Variants in TLR2 observed in about 807,000 individuals in gnomAD.
TLR2 encodes toll-like receptor 2.
A neutral mutation model predicts 9.1 loss-of-function variants in TLR2; 7 were observed. The ratio of observed to expected loss-of-function variants is 0.77; its 90% CI spans 0.44 to 1.44. The LOEUF (loss-of-function observed/expected upper bound fraction) is 1.44, where lower values mean the gene tolerates loss of function less well. TLR2 is among the 40% of genes most tolerant of loss of function. The probability of loss-of-function intolerance (pLI) is 0.01; values close to 1 mark genes in which losing one functional copy is unlikely to be tolerated. For missense variants in TLR2, 812 were observed against 904.6 expected, an observed-to-expected ratio of 0.90 and a Z score of 1.31; for synonymous variants, 317 against 344.6, an observed-to-expected ratio of 0.92 and a Z score of 0.89.
intron 2 of TLR2, among the ~76,000 whole-genome samples, chr4:153,697,002 G>C (rs1479610894): frequency 6.6e-6 from 1 of 151,982 alleles, no homozygotes; most frequent in Non-Finnish European, 1.5e-5. Context: ...GTTTTGTTAA[G>C]GAAAAAATAA....
chr4:153,693,872 C>A (rs909721995), intron 2 of TLR2, among the ~76,000 whole-genome samples: 1 of 152,176 alleles, frequency 6.6e-6, no homozygotes. Flanking sequence ...AACCATTGCT[C>A]CAGCGAGCCT....
Position 153,705,051 on chromosome 4 carries a change from A to G in TLR2, c.2144A>G (p.Tyr715Cys). The G allele has an allele frequency of 1.2e-6, 2 of 1,614,180 alleles. No homozygotes were observed. The highest frequency in any genetic ancestry group is 1.7e-6 in the Non-Finnish European group (2 of 1,180,026). The change falls in exon 3 of 3, where the codon TAT (tyrosine) becomes TGT (cysteine). Residue 715 changes from tyrosine to cysteine, a missense_variant. Transcript: ENST00000642700. ...TTTGTGAAGAGTGAGTGGTGCAAGT[A>G]TGAACTGGACTTCTCCCATTTCCGT... ...ENFVKSEWCK[Y>C]ELDFSHFRLF...
At chr4:153,685,961 G>A (rs1735673506) in intron 1 of TLR2, among the ~76,000 whole-genome samples, 1 of 152,174 alleles carries the variant, frequency 6.6e-6, no homozygotes, top group African/African-American at 2.4e-5. Context: ...CAAGATTGAA[G>A]GGCTGCATCT....
chr4:153,710,292 AAAATT>A, downstream of TLR2: 2 of 1,217,356 alleles, frequency 1.6e-6, no homozygotes, highest in South Asian at 3.9e-5. Context: ...GATCATCTCT[AAAATT>A]AAAAAAATTA....
rs1455999638 is a variant in TLR2, at chr4:153,684,300, AG to A, written c.-222del. ...CGGGCAGGCCGGCTCGGAGGCAGCG[AG>A]AAAGCGCAGCCAGGCGGCTGCTCGG... On this transcript the variant is annotated 5_prime_UTR_variant, in exon 1 of 3. Transcript: ENST00000642700. 2 of 152,302 alleles carry A rather than the reference AG, an allele frequency of 1.3e-5. No individual in the cohort carries two copies. The highest frequency in any genetic ancestry group is 4.8e-5 in the African/African-American group (2 of 41,450). 9.4% of individuals were successfully genotyped at this position (152,302 alleles called of 1,614,324 possible). A position where few individuals can be genotyped will look rare whatever the true frequency, so the allele number is the denominator to read the frequency against.
chr4:153,684,985 T>C (rs1256753010), intron 1 of TLR2, among the ~76,000 whole-genome samples: 1 of 152,218 alleles, frequency 6.6e-6, no homozygotes, highest in Non-Finnish European at 1.5e-5. Flanking sequence ...GTGTCCTCGC[T>C]CACTGGTTAC....
At position 153,704,533 on chromosome 4, in the gene TLR2, C is replaced by G. The variant is rs5743701; in HGVS notation, c.1626C>G (p.Leu542=). ...GNNFICSCEF[L]SFTQEQQALA... ...ACTTCATTTGCTCCTGTGAATTCCT[C>G]TCCTTCACTCAGGAGCAGCAAGCAC... The change falls in exon 3 of 3, where the codon CTC becomes CTG. Residue 542 remains leucine (L), a synonymous_variant. Coordinates refer to ENST00000642700, the MANE Select transcript of TLR2 (RefSeq NM_001318789.2). The G allele has an allele frequency of 1.6e-3, 2,655 of 1,613,912 alleles. 30 individuals carry two copies. In the African/African-American group the frequency reaches 0.032, roughly 19 times the overall value.
At position 153,704,744 on chromosome 4, in the gene TLR2, C is replaced by T. The variant is rs1461033406; in HGVS notation, c.1837C>T (p.His613Tyr). 6.2e-7 allele frequency: 1 copy of T among 1,613,894 alleles called. No individual in the cohort carries two copies. Among genetic ancestry groups the T allele is most frequent in the East Asian group, 2.2e-5 (1 of 44,866 alleles). ...LLTGVLCHRF[H>Y]GLWYMKMMWA... ...CACGGGGGTCCTGTGCCACCGTTTC[C>T]ATGGCCTGTGGTATATGAAAATGAT... Residue 613 changes from histidine (H) to tyrosine (Y), a missense_variant, in exon 3 of 3, where the codon CAT becomes TAT. Physicochemically the swap from His to Tyr is moderately conservative, Grantham distance 83. Coordinates refer to ENST00000642700, the MANE Select transcript of TLR2 (RefSeq NM_001318789.2).
chr4:153,684,705 C>CGGCTG (rs959867832), intron 1 of TLR2, among the ~76,000 whole-genome samples: 2 of 152,200 alleles, frequency 1.3e-5, no homozygotes, highest in East Asian at 1.9e-4. Context: ...CAATGGGCTG[C>CGGCTG]GGCTGGGCTG....
intron 1 of TLR2, among the ~76,000 whole-genome samples, chr4:153,687,442 T>A (rs890019331): frequency 6.6e-6 from 1 of 152,152 alleles, no homozygotes; most frequent in Non-Finnish European, 1.5e-5. Context: ...TACAAATAAC[T>A]CATCTAAGGA....
chr4:153,698,960 G>C (rs1560745314), intron 2 of TLR2, among the ~76,000 whole-genome samples: 1 of 152,212 alleles, frequency 6.6e-6, no homozygotes, highest in East Asian at 1.9e-4. Flanking sequence ...GCTAACAGTA[G>C]ACAAAACATA....
chr4:153,703,821 A>G lies in TLR2; in HGVS notation c.914A>G (p.Asp305Gly). The G allele has an allele frequency of 6.2e-7, 1 of 1,614,034 alleles. No individual in the cohort carries two copies. The highest frequency in any genetic ancestry group is 1.3e-5 in the African/African-American group (1 of 75,038). Residue 305 changes from aspartate (D) to glycine (G), a missense_variant, in exon 3 of 3, where the codon GAT becomes GGT. Coordinates refer to ENST00000642700, the MANE Select transcript of TLR2 (RefSeq NM_001318789.2). ...FRASDNDRVI[D>G]PGKVETLTIR... ...GCATCTGATAATGACAGAGTTATAGATCCAGGTAAAGTGGAAACGTTAACA... is the reference window on the plus strand; with the variant it reads ...GCATCTGATAATGACAGAGTTATAGGTCCAGGTAAAGTGGAAACGTTAACA...
rs1737136498 is a variant in TLR2, at chr4:153,704,084, A to G, written c.1177A>G (p.Ile393Val). The G allele has an allele frequency of 1.2e-6, 2 of 1,614,094 alleles. No homozygotes were observed. Among genetic ancestry groups the G allele is most frequent in the East Asian group, 2.2e-5 (1 of 44,872 alleles). ...TGCCTGGCCCTCTCTACAAACTTTA[A>G]TTTTAAGGCAAAATCATTTGGCATC... ...EDAWPSLQTL[I>V]LRQNHLASLE... Residue 393 changes from isoleucine to valine, a missense_variant, in exon 3 of 3, where the codon ATT becomes GTT. Coordinates refer to ENST00000642700, the MANE Select transcript of TLR2 (RefSeq NM_001318789.2).
chr4:153,701,767 A>AT (rs1189493725), intron 2 of TLR2: 4 of 123,144 alleles, frequency 3.2e-5, no homozygotes, highest in African/African-American at 1.1e-4. Flanking sequence ...TGACCCATTT[A>AT]TTTAAAAAAA....
intron 2 of TLR2, among the ~76,000 whole-genome samples, chr4:153,688,970 T>C (rs189954600): frequency 1.3e-3 from 195 of 152,352 alleles, no homozygotes; most frequent in Non-Finnish European, 2.5e-4. Flanking sequence ...ATATGCATAC[T>C]ATACAAAGAC....
chr4:153,689,169 G>A (rs1735926867), intron 2 of TLR2, among the ~76,000 whole-genome samples: 1 of 152,192 alleles, frequency 6.6e-6, no homozygotes, highest in Non-Finnish European at 1.5e-5. Flanking sequence ...AATATGGAAA[G>A]ACAAGTTTGT....
At chr4:153,710,568 A>AT, downstream of TLR2, 1 of 1,350,412 alleles carries the variant, frequency 7.4e-7, no homozygotes, top group Non-Finnish European at 1.0e-6. Context: ...CAAATATAAT[A>AT]AACAATGTAA....
At chr4:153,688,957 C>T (rs935563417) in intron 2 of TLR2, among the ~76,000 whole-genome samples, 4 of 152,182 alleles carry the variant, frequency 2.6e-5, no homozygotes, top group African/African-American at 9.7e-5. Context: ...AGTCGGGATT[C>T]GCATATGCAT....
Position 153,702,999 on chromosome 4 carries a change from A to C in TLR2, c.92A>C (p.Asp31Ala). The C allele has an allele frequency of 6.2e-7, 1 of 1,613,984 alleles. No homozygotes were observed. The highest frequency in any genetic ancestry group is 1.3e-5 in the African/African-American group (1 of 74,980). Reference protein sequence around the residue: ...ESSNQASLSCDRNGICKGSSG... With the variant: ...ESSNQASLSCARNGICKGSSG... ...TCCAATCAGGCTTCTCTGTCTTGTG[A>C]CCGCAATGGTATCTGCAAGGGCAGC... Residue 31 changes from aspartate to alanine, a missense_variant, in exon 3 of 3, where the codon GAC becomes GCC. Asp to Ala is a moderately radical substitution (Grantham distance 126, BLOSUM62 -2). Transcript: ENST00000642700.
Sources: allele counts gnomAD v4.1 joint callset (sites outside exome capture counted in the v4.1 genomes callset), GRCh38; gene constraint gnomAD v4.1.1; transcripts MANE v1.5; gene names NCBI Gene and HGNC (gene_info 2026-07-23, HGNC 2026-07-21).